Variants in PCSK5 observed in about 807,000 individuals in gnomAD.
PCSK5 encodes the protein prohormone convertase 5.
PCSK5 carries 129 observed loss-of-function variants against 233.2 expected under a neutral mutation model. The ratio of observed to expected loss-of-function variants is 0.55; its 90% CI spans 0.48 to 0.64. The LOEUF is 0.64. Ranked by LOEUF, PCSK5 falls within the 30% of genes least tolerant of loss-of-function variation. The pLI is 0.00. For missense variants in PCSK5, 2,076 were observed against 2,430.1 expected (o/e 0.85, Z 3.06); for synonymous variants, 825 against 879.2 (o/e 0.94, Z 1.09).
intron 17 of PCSK5, among the ~76,000 whole-genome samples, chr9:76,187,829 A>G (rs375947907): frequency 2.7e-4 from 40 of 149,074 alleles, no homozygotes; most frequent in African/African-American, 9.4e-4. Flanking sequence ...GTAAATAGAA[A>G]TTTAAATAGG....
At chr9:75,953,061 A>G (rs1275312248) in intron 2 of PCSK5, among the ~76,000 whole-genome samples, 2 of 152,162 alleles carry the variant, frequency 1.3e-5, no homozygotes, top group East Asian at 1.9e-4. Context: ...ATTACGTTAC[A>G]TTGTGTATTT....
intron 27 of PCSK5, among the ~76,000 whole-genome samples, chr9:76,297,289 G>C (rs958160939): frequency 7.9e-5 from 12 of 152,202 alleles, no homozygotes; most frequent in African/African-American, 2.7e-4. Flanking sequence ...TGTAGGGTAG[G>C]CTTTTCCAAT....
chr9:76,169,213 C>A (rs1249650039), intron 12 of PCSK5, among the ~76,000 whole-genome samples: 1 of 152,142 alleles, frequency 6.6e-6, no homozygotes, highest in East Asian at 1.9e-4. Context: ...TATGAACATT[C>A]ATATGAAGTT....
chr9:76,083,275 C>T (rs1830926038), intron 7 of PCSK5, among the ~76,000 whole-genome samples: 1 of 149,858 alleles, frequency 6.7e-6, no homozygotes, highest in African/African-American at 2.5e-5. Context: ...ACTGGTTTGG[C>T]ATTTATCTTA....
intron 33 of PCSK5, among the ~76,000 whole-genome samples, chr9:76,331,554 CT>C (rs1829535978): frequency 6.6e-6 from 1 of 151,996 alleles, no homozygotes; most frequent in African/African-American, 2.4e-5. Flanking sequence ...GTAGTCCCAG[CT>C]ACTCGGGAGG....
chr9:75,985,953 A>G (rs533744505), intron 2 of PCSK5, among the ~76,000 whole-genome samples, 179 bp from the exon 3 acceptor site: 3 of 152,294 alleles, frequency 2.0e-5, no homozygotes, highest in African/African-American at 7.2e-5. Flanking sequence ...AAACAAACAA[A>G]AAAAAAGCCC....
At chr9:75,925,748 G>A (rs933576661) in intron 1 of PCSK5, among the ~76,000 whole-genome samples, 11 of 152,186 alleles carry the variant, frequency 7.2e-5, no homozygotes, top group Non-Finnish European at 1.5e-4. Flanking sequence ...AGTAAGGAAA[G>A]CAATCGTGGC....
At chr9:76,134,342 C>A in intron 10 of PCSK5, 130 bp downstream of exon 10, 1 of 572,086 alleles carries the variant, frequency 1.7e-6, no homozygotes, top group Non-Finnish European at 3.0e-6. Flanking sequence ...AGAGCTTGAT[C>A]TTTTAGTAAA....
rs1830159423 is a variant in PCSK5, at chr9:76,351,540, A to AGGAAG, written c.5067+613_5067+614insGAAGG. 2.1e-5 allele frequency among the ~76,000 whole-genome samples: 2 copies of AGGAAG among 96,742 alleles called. 1 individual carries two copies. Among genetic ancestry groups the AGGAAG allele is most frequent in the Admixed American group, 2.3e-4 (2 of 8,608 alleles). The allele number at this position is 96,742 out of a possible 152,430, so 63.5% of individuals were successfully genotyped here. A position where few individuals can be genotyped will look rare whatever the true frequency, so the allele number is the denominator to read the frequency against. On this transcript the variant is annotated intron_variant, in intron 36 of 37. Coordinates refer to ENST00000674117, the MANE Select transcript of PCSK5 (RefSeq NM_001372043.1). ...AGAAAGAAAGAAAGAAAGGAAGGAA[A>AGGAAG]GAAAGAGAAAGAAGAGAGAGAGAGA...
At chr9:75,915,912 A>G (rs1822967033) in intron 1 of PCSK5, among the ~76,000 whole-genome samples, 1 of 152,208 alleles carries the variant, frequency 6.6e-6, no homozygotes, top group Non-Finnish European at 1.5e-5. Context: ...GCGGGAAGTT[A>G]CATATTCTTA....
intron 7 of PCSK5, among the ~76,000 whole-genome samples, chr9:76,076,443 T>C (rs79635195): frequency 6.6e-6 from 1 of 152,160 alleles, no homozygotes; most frequent in Non-Finnish European, 1.5e-5. Flanking sequence ...TGAAGAGGCA[T>C]GACTGGAAGA....
intron 7 of PCSK5, among the ~76,000 whole-genome samples, chr9:76,081,417 G>A (rs964854647): frequency 2.0e-5 from 3 of 151,950 alleles, no homozygotes; most frequent in African/African-American, 7.3e-5. Flanking sequence ...TTGCGCCATT[G>A]CACTCCAGCC....
chr9:76,079,575 T>C (rs1239751363), intron 7 of PCSK5, among the ~76,000 whole-genome samples: 7 of 152,310 alleles, frequency 4.6e-5, no homozygotes, highest in Non-Finnish European at 8.8e-5. Flanking sequence ...AGTGGAGTCT[T>C]CAGGGTTTTC....
At chr9:76,064,014 C>A (rs1245487317) in intron 5 of PCSK5, among the ~76,000 whole-genome samples, 16 of 92,988 alleles carry the variant, frequency 1.7e-4, no homozygotes, top group Admixed American at 1.4e-3. Flanking sequence ...GGGGCTGACC[C>A]CCCCACCTCC....
intron 21 of PCSK5, among the ~76,000 whole-genome samples, chr9:76,230,745 T>C (rs1254022174): frequency 6.6e-6 from 1 of 152,130 alleles, no homozygotes; most frequent in Admixed American, 6.6e-5. Context: ...GCACTGCCCA[T>C]GTGAGGAATC....
chr9:76,063,196 ATGATCATGGTTCACTGCAGCCT>A (rs1830094670), intron 5 of PCSK5, among the ~76,000 whole-genome samples: 1 of 150,728 alleles, frequency 6.6e-6, no homozygotes, highest in African/African-American at 2.5e-5. Context: ...GTGCAGTGGC[ATGATCATGGTTCACTGCAGCCT>A]TGATCTCCCG....
At chr9:76,107,380 T>C in intron 9 of PCSK5, 29 bp downstream of exon 9, 1 of 1,445,884 alleles carries the variant, frequency 6.9e-7, no homozygotes, top group Non-Finnish European at 9.7e-7. Context: ...ATGTCTTCAA[T>C]GGTGACAACC....
chr9:75,911,032 C>T (rs1250331509), intron 1 of PCSK5, among the ~76,000 whole-genome samples: 1 of 151,872 alleles, frequency 6.6e-6, no homozygotes, highest in Non-Finnish European at 1.5e-5. Context: ...TTTGGTTTGC[C>T]GATTTGCGAT....
intron 2 of PCSK5, among the ~76,000 whole-genome samples, chr9:75,978,536 A>G (rs1002598197): frequency 2.0e-5 from 3 of 152,212 alleles, no homozygotes; most frequent in South Asian, 4.1e-4. Flanking sequence ...AGTTTGTTCT[A>G]CACTGCCCAT....
Sources: allele counts gnomAD v4.1 joint callset (sites outside exome capture counted in the v4.1 genomes callset), GRCh38; gene constraint gnomAD v4.1.1; transcripts MANE v1.5; gene names NCBI Gene and HGNC (gene_info 2026-07-23, HGNC 2026-07-21).